Variants in DGKB observed in about 807,000 individuals in gnomAD.
The protein encoded by DGKB is diacylglycerol kinase beta.
DGKB carries 67 observed loss-of-function variants against 114.3 expected under a neutral mutation model. That is an observed-to-expected ratio of 0.59 (90% confidence interval 0.48 to 0.72). The LOEUF (loss-of-function observed/expected upper bound fraction) is 0.72, where lower values mean the gene tolerates loss of function less well. Among genes scored for constraint, DGKB ranks in the 30% least tolerant of loss-of-function variants. The pLI, the probability that DGKB is intolerant of heterozygous loss-of-function variation, is 0.00. For synonymous variants in DGKB, 398 were observed against 323.1 expected (o/e 1.23, Z -2.49); for missense variants, 907 against 975.2 (o/e 0.93, Z 0.93).
chr7:14,944,754 G>T (rs1449892649), intron 1 of DGKB, among the ~76,000 whole-genome samples: 2 of 151,266 alleles, frequency 1.3e-5, no homozygotes, highest in Non-Finnish European at 3.0e-5. Flanking sequence ...CAATGTACAG[G>T]ACAGACCCCC....
intron 2 of DGKB, among the ~76,000 whole-genome samples, chr7:14,800,629 T>C: frequency 6.6e-6 from 1 of 152,176 alleles, no homozygotes; most frequent in East Asian, 1.9e-4. Flanking sequence ...CTTAGTAAAC[T>C]CACCTTTTTA....
chr7:14,485,606 T>C (rs1783680340), intron 20 of DGKB, among the ~76,000 whole-genome samples: 1 of 151,990 alleles, frequency 6.6e-6, no homozygotes, highest in South Asian at 2.1e-4. Context: ...AGATTTTAAA[T>C]AGGGACACCT....
intron 1 of DGKB, among the ~76,000 whole-genome samples, chr7:14,922,017 C>T (rs905154616): frequency 6.6e-6 from 1 of 152,036 alleles, no homozygotes; most frequent in African/African-American, 2.4e-5. Flanking sequence ...CAAAACCCTA[C>T]AATAAGTGCA....
intron 2 of DGKB, among the ~76,000 whole-genome samples, chr7:14,775,702 C>A (rs182294855): frequency 6.6e-6 from 1 of 152,152 alleles, no homozygotes; most frequent in Admixed American, 6.5e-5. Flanking sequence ...GATTCTTTTT[C>A]TGCCATGATT....
At chr7:14,427,106 G>A (rs369326092) in intron 21 of DGKB, among the ~76,000 whole-genome samples, 1 of 151,922 alleles carries the variant, frequency 6.6e-6, no homozygotes, top group Non-Finnish European at 1.5e-5. Context: ...GGAGTGGGGG[G>A]TGGGAGAGCA....
At chr7:14,197,530 C>T (rs924681659) in intron 23 of DGKB, among the ~76,000 whole-genome samples, 56 of 152,128 alleles carry the variant, frequency 3.7e-4, no homozygotes, top group Middle Eastern at 3.4e-3. Flanking sequence ...ACATGCTGTA[C>T]GGAAAACCTC....
intron 20 of DGKB, among the ~76,000 whole-genome samples, chr7:14,520,367 T>C (rs1789563494): frequency 6.6e-6 from 1 of 151,700 alleles, no homozygotes; most frequent in African/African-American, 2.4e-5. Context: ...TTCTTCCTTC[T>C]GCTTTAGATT....
intron 13 of DGKB, among the ~76,000 whole-genome samples, chr7:14,658,997 C>A (rs906799027): frequency 1.3e-5 from 2 of 151,794 alleles, no homozygotes; most frequent in African/African-American, 4.8e-5. Context: ...TGGTTTGCTG[C>A]ACCTATCAAC....
rs973143704 is a variant in DGKB, at chr7:14,707,542, G to A, written c.467-5812C>T. 9.1e-5 allele frequency among the ~76,000 whole-genome samples: 9 copies of A among 98,368 alleles called. 1 individual carries two copies. The highest frequency in any genetic ancestry group is 4.2e-5 in the Non-Finnish European group (2 of 47,746). The allele number at this position is 98,368 out of a possible 152,430, so 64.5% of individuals were successfully genotyped here. On this transcript the variant is annotated intron_variant, in intron 6 of 25. Transcript: ENST00000402815. The stretch of plus-strand genomic sequence containing the variant: ...AAGAGAATTTTAGACCAATATCCTT[G>A]ATGAACATTGATGCAAAAATCCTCA...
At chr7:14,406,371 C>T (rs531706554) in intron 21 of DGKB, among the ~76,000 whole-genome samples, 5 of 151,954 alleles carry the variant, frequency 3.3e-5, no homozygotes, top group Non-Finnish European at 5.9e-5. Context: ...GAAAATAATC[C>T]CACTATGCAG....
At chr7:14,713,228 G>GC in intron 6 of DGKB, among the ~76,000 whole-genome samples, 1 of 151,898 alleles carries the variant, frequency 6.6e-6, no homozygotes, top group Non-Finnish European at 1.5e-5. Flanking sequence ...TTTTCATAAT[G>GC]AATATATCCT....
intron 1 of DGKB, among the ~76,000 whole-genome samples, chr7:14,882,130 T>C (rs532229628): frequency 6.6e-6 from 1 of 151,982 alleles, no homozygotes; most frequent in East Asian, 1.9e-4. Flanking sequence ...CTCAAAAAGA[T>C]TAATAGAGAG....
intron 21 of DGKB, among the ~76,000 whole-genome samples, chr7:14,349,932 C>G (rs11766474): frequency 0.38 from 57,548 of 151,864 alleles, 11,052 homozygotes; most frequent in South Asian, 0.43. Flanking sequence ...TCAAATTTAT[C>G]GTATTCCTGG....
At chr7:14,282,839 A>G (rs1455456725) in intron 23 of DGKB, among the ~76,000 whole-genome samples, 4 of 152,182 alleles carry the variant, frequency 2.6e-5, no homozygotes, top group Non-Finnish European at 5.9e-5. Context: ...CGCTCAATAA[A>G]TTAGGTATTG....
intron 23 of DGKB, among the ~76,000 whole-genome samples, chr7:14,320,316 G>C (rs1467416130): frequency 6.6e-6 from 1 of 152,008 alleles, no homozygotes; most frequent in Admixed American, 6.6e-5. Context: ...GCATATGGTG[G>C]GCCCTGTGAT....
intron 1 of DGKB, among the ~76,000 whole-genome samples, chr7:14,864,118 A>AG (rs1491532376): frequency 1.3e-5 from 2 of 148,264 alleles, no homozygotes; most frequent in East Asian, 4.0e-4. Context: ...AAAAAAAAAA[A>AG]GGGAACATTG....
chr7:14,550,198 C>T (rs984248272), intron 20 of DGKB, among the ~76,000 whole-genome samples: 2 of 151,984 alleles, frequency 1.3e-5, no homozygotes, highest in African/African-American at 4.8e-5. Flanking sequence ...ATTCAATTTG[C>T]TGCTTAACAT....
chr7:14,540,334 A>T (rs917904944), intron 20 of DGKB, among the ~76,000 whole-genome samples: 1 of 152,092 alleles, frequency 6.6e-6, no homozygotes, highest in Admixed American at 6.5e-5. Context: ...TATATTGTAA[A>T]CATTGTATTA....
At chr7:14,435,049 T>A (rs1829033173) in intron 21 of DGKB, among the ~76,000 whole-genome samples, 1 of 152,116 alleles carries the variant, frequency 6.6e-6, no homozygotes, top group Admixed American at 6.6e-5. Context: ...GCTGAAAACT[T>A]TCTTTCCTTA....
Sources: gnomAD v4.1 joint callset for allele counts (sites outside exome capture counted in the v4.1 genomes callset) on GRCh38, gnomAD v4.1.1 for gene constraint, MANE v1.5 for transcripts, NCBI Gene and HGNC (gene_info 2026-07-23, HGNC 2026-07-21) for gene names.